Variants in ZFHX3 observed in about 807,000 individuals in gnomAD.
ZFHX3 encodes the protein zinc finger homeobox protein 3.
In ZFHX3, 42 loss-of-function variants were observed where a neutral mutation model predicts 279.1. The observed-to-expected ratio is 0.15, with a 90% CI of 0.12 to 0.19. ZFHX3 has a LOEUF of 0.19. ZFHX3 is among the 10% of genes least tolerant of loss of function. The probability of loss-of-function intolerance (pLI) is 1.00; values close to 1 mark genes in which losing one functional copy is unlikely to be tolerated. For synonymous variants in ZFHX3, 2,293 were observed against 1,957.8 expected (o/e 1.17, Z -4.52); for missense variants, 4,981 against 4,754.0 (o/e 1.05, Z -1.40).
chr16:73,672,767 C>T (rs946260430), intron 2 of ZFHX3, among the ~76,000 whole-genome samples: 5 of 152,016 alleles, frequency 3.3e-5, no homozygotes, highest in Admixed American at 6.6e-5. Context: ...TACTTTTATA[C>T]ATTTATAATT....
chr16:73,490,900 GCTAA>G (rs1483123096), intron 2 of ZFHX3, among the ~76,000 whole-genome samples: 1 of 152,120 alleles, frequency 6.6e-6, no homozygotes. Flanking sequence ...AGAGGTGAGA[GCTAA>G]CTGATATTTC....
intron 2 of ZFHX3, among the ~76,000 whole-genome samples, chr16:73,497,176 A>G (rs893535666): frequency 1.3e-5 from 2 of 152,210 alleles, no homozygotes; most frequent in African/African-American, 2.4e-5. Flanking sequence ...TGACTAATTC[A>G]GGGGGACCCT....
intron 1 of ZFHX3, among the ~76,000 whole-genome samples, chr16:73,765,376 T>G (rs1196917321): frequency 6.6e-6 from 1 of 152,222 alleles, no homozygotes; most frequent in African/African-American, 2.4e-5. Context: ...GGGGGAAATA[T>G]GAACTTTGTG....
chr16:73,036,419 G>C (rs922969987), intron 1 of ZFHX3, among the ~76,000 whole-genome samples: 9 of 152,136 alleles, frequency 5.9e-5, no homozygotes, highest in Admixed American at 2.6e-4. Context: ...GCCGCTTTGT[G>C]GGGGGAAAAG....
intron 2 of ZFHX3, among the ~76,000 whole-genome samples, chr16:73,580,427 A>G (rs1332220347): frequency 6.6e-6 from 1 of 151,882 alleles, no homozygotes; most frequent in Non-Finnish European, 1.5e-5. Flanking sequence ...GCAGTGAGCC[A>G]AGATCGTGCC....
At chr16:73,620,985 C>G (rs539425006) in intron 2 of ZFHX3, among the ~76,000 whole-genome samples, 1 of 152,192 alleles carries the variant, frequency 6.6e-6, no homozygotes, top group African/African-American at 2.4e-5. Context: ...TCTTCCTGCC[C>G]CTTGGTCTCC....
rs1222380535 is a variant in ZFHX3, at chr16:73,633,698, G to A, written c.-1547+46482C>T. On this transcript the variant is annotated intron_variant, in intron 2 of 17. Transcript: ENST00000641206. ...TGGATTGGCATGGACTTTCTTCAGA[G>A]TATCAGGAACATGCACCAAGGGCCT... Among the ~76,000 whole-genome samples the A allele has an allele frequency of 2.6e-5, 4 of 152,144 alleles. No individual in the cohort carries two copies. In the East Asian group the frequency reaches 7.7e-4, roughly 29 times the overall value.
chr16:73,789,128 A>G (rs908159081), intron 1 of ZFHX3, among the ~76,000 whole-genome samples: 5 of 151,508 alleles, frequency 3.3e-5, no homozygotes, highest in African/African-American at 1.2e-4. Flanking sequence ...TGATATCTAT[A>G]TGATAGATAT....
At chr16:72,902,443 C>A (rs184932815) in intron 3 of ZFHX3, among the ~76,000 whole-genome samples, 1 of 152,168 alleles carries the variant, frequency 6.6e-6, no homozygotes, top group Non-Finnish European at 1.5e-5. Context: ...CTGGCTTCCT[C>A]GCATGGCCCT....
At chr16:73,053,198 G>A (rs545764114) in intron 1 of ZFHX3, among the ~76,000 whole-genome samples, 1 of 151,854 alleles carries the variant, frequency 6.6e-6, no homozygotes, top group Non-Finnish European at 1.5e-5. Flanking sequence ...TTCTTTTTTG[G>A]AGGGGGGTTC....
At chr16:72,827,741 G>T (rs2143709056) in intron 5 of ZFHX3, among the ~76,000 whole-genome samples, 1 of 152,200 alleles carries the variant, frequency 6.6e-6, no homozygotes. Context: ...CCACTCCTCG[G>T]TCCTACCTTA....
chr16:73,809,524 T>C (rs1343764570), intron 1 of ZFHX3: 1 of 152,210 alleles, frequency 6.6e-6, no homozygotes, highest in Non-Finnish European at 1.5e-5. Context: ...CTCCTGTCTG[T>C]TTCACGGTGC....
intron 5 of ZFHX3, among the ~76,000 whole-genome samples, chr16:72,829,169 AT>A (rs61563409): frequency 0.13 from 17,534 of 134,574 alleles, 1,199 homozygotes; most frequent in East Asian, 0.37. Context: ...CACACCCAGC[AT>A]TTTTTTTTTT....
At chr16:73,789,686 T>A (rs747064699) in intron 1 of ZFHX3, among the ~76,000 whole-genome samples, 1 of 152,124 alleles carries the variant, frequency 6.6e-6, no homozygotes, top group Non-Finnish European at 1.5e-5. Context: ...ATGTAATAAA[T>A]ACGTTGCCAG....
intron 1 of ZFHX3, among the ~76,000 whole-genome samples, chr16:73,705,350 C>T (rs1257569422): frequency 6.6e-6 from 1 of 152,118 alleles, no homozygotes; most frequent in African/African-American, 2.4e-5. Flanking sequence ...GGGGTTCAAT[C>T]CCTGGCACTT....
chr16:73,250,646 G>T (rs1398494371), intron 5 of ZFHX3, among the ~76,000 whole-genome samples: 1 of 152,060 alleles, frequency 6.6e-6, no homozygotes, highest in Non-Finnish European at 1.5e-5. Context: ...CCATTCTTCT[G>T]CCTCAGCCTC....
chr16:72,929,363 A>AC (rs892770450), intron 3 of ZFHX3, among the ~76,000 whole-genome samples: 6 of 152,102 alleles, frequency 3.9e-5, no homozygotes, highest in Non-Finnish European at 7.4e-5. Flanking sequence ...GGAGAGGTCC[A>AC]CCCGGGGGTG....
At chr16:73,012,729 C>T (rs904088102) in intron 1 of ZFHX3, among the ~76,000 whole-genome samples, 1 of 152,082 alleles carries the variant, frequency 6.6e-6, no homozygotes, top group African/African-American at 2.4e-5. Context: ...GATCCTGGCA[C>T]GAATGATATA....
chr16:73,278,780 A>C (rs2014378185), intron 4 of ZFHX3, among the ~76,000 whole-genome samples: 1 of 152,086 alleles, frequency 6.6e-6, no homozygotes, highest in African/African-American at 2.4e-5. Flanking sequence ...CAGAGTGCTG[A>C]TTGGTGCATT....
Sources: gnomAD v4.1 joint callset for allele counts (sites outside exome capture counted in the v4.1 genomes callset) on GRCh38, gnomAD v4.1.1 for gene constraint, MANE v1.5 for transcripts, NCBI Gene and HGNC (gene_info 2026-07-23, HGNC 2026-07-21) for gene names.